The following IGF2R variants were observed in gnomAD, a reference collection of about 807,000 sequenced individuals.
IGF2R encodes the protein cation-independent mannose-6-phosphate receptor.
Under a neutral mutation model 270.6 loss-of-function variants are expected in IGF2R, and 91 were observed. The observed-to-expected ratio is 0.34, with a 90% CI of 0.28 to 0.40. The LOEUF (loss-of-function observed/expected upper bound fraction) is 0.40. Among genes scored for constraint, IGF2R ranks in the 10% least tolerant of loss-of-function variants. The probability of loss-of-function intolerance (pLI) is 1.00; values close to 1 mark genes in which losing one functional copy is unlikely to be tolerated. For missense variants in IGF2R, 2,805 were observed against 3,188.3 expected (o/e 0.88, Z 2.90); for synonymous variants, 1,316 against 1,258.9 (o/e 1.05, Z -0.96).
intron 2 of IGF2R, among the ~76,000 whole-genome samples, chr6:160,000,736 T>TG (rs1784115764): frequency 7.2e-6 from 1 of 138,662 alleles, no homozygotes; most frequent in Admixed American, 7.1e-5. Context: ...TTGTTTTTTT[T>TG]TTTTTTTTTT....
At chr6:160,059,136 G>T in intron 22 of IGF2R, 38 bp downstream of exon 22, 1 of 1,573,264 alleles carries the variant, frequency 6.4e-7, no homozygotes, top group Non-Finnish European at 8.7e-7. Context: ...GCTAAAAAGG[G>T]CCCTGGTGGC....
chr6:160,102,414 G>T lies in IGF2R; in HGVS notation c.6843-105G>T. The stretch of plus-strand genomic sequence containing the variant: ...GCAGGAGTAAGAATCACATGGTGTT[G>T]GGAAAGTCAGAGCTGCTCTTGCCTT... On this transcript the variant is annotated intron_variant, in intron 45 of 47. Coordinates refer to ENST00000356956, the MANE Select transcript of IGF2R (RefSeq NM_000876.4). The surrounding 1 kb of genome is among the most constrained non-coding windows in gnomAD (Gnocchi z 4.5). 1 of 1,246,236 alleles carries T rather than the reference G, an allele frequency of 8.0e-7. No individual in the cohort carries two copies. The highest frequency in any genetic ancestry group is 2.9e-4 in the Middle Eastern group (1 of 3,476). 77.2% of individuals were successfully genotyped at this position (1,246,236 alleles called of 1,614,324 possible).
chr6:160,098,267 A>G (rs967113259), intron 45 of IGF2R, among the ~76,000 whole-genome samples: 2 of 152,008 alleles, frequency 1.3e-5, no homozygotes, highest in African/African-American at 2.4e-5. Context: ...TTGGTGTTTG[A>G]CTCTAAAACC....
intron 6 of IGF2R, among the ~76,000 whole-genome samples, chr6:160,027,667 T>G (rs1398139110): frequency 1.3e-5 from 2 of 152,252 alleles, no homozygotes; most frequent in Non-Finnish European, 2.9e-5. Flanking sequence ...GTTCTCATCT[T>G]GGGAGGGCAA....
At chr6:160,072,642 G>T in intron 32 of IGF2R, 123 bp from the exon 33 acceptor site, 1 of 970,026 alleles carries the variant, frequency 1.0e-6, no homozygotes, top group South Asian at 1.4e-5. Context: ...TTAGGACAGG[G>T]GTCGTGGTGA....
rs182604858 is a variant in IGF2R at position 160,078,370 on chromosome 6, G to T, written c.5478+8G>T. On this transcript the variant is annotated splice_region_variant and intron_variant, in intron 37 of 47. Coordinates refer to ENST00000356956, the MANE Select transcript of IGF2R (RefSeq NM_000876.4). The stretch of plus-strand genomic sequence containing the variant: ...TCCACGAGCACCTTTAAGGTAATGC[G>T]TTCACCCTGGGCGTTGCTGGTGCAG... 14 of 1,612,742 alleles carry T rather than the reference G, an allele frequency of 8.7e-6. No homozygotes were observed. The highest frequency in any genetic ancestry group is 1.0e-5 in the Non-Finnish European group (12 of 1,179,006).
At chr6:160,005,418 T>G (rs990650700) in intron 2 of IGF2R, 16 of 152,010 alleles carry the variant, frequency 1.1e-4, no homozygotes, top group African/African-American at 3.9e-4. Context: ...CTCTGCGGCC[T>G]CTCGCCGGTG....
Position 160,061,907 on chromosome 6 carries a change from G to A in IGF2R, c.3561G>A (p.Thr1187=), listed in dbSNP as rs766762205. Residue 1187 remains threonine, a synonymous_variant, in exon 25 of 48, where the codon ACG becomes ACA. Coordinates refer to ENST00000356956, the MANE Select transcript of IGF2R (RefSeq NM_000876.4). ...CGNQRFSTRI[T]FECAQISGSP... is the part of the protein sequence containing the mutation. ...ACCAGCGCTTCTCCACCAGGATCAC[G>A]TTTGAGTGTGCTCAGATATCGGTGT... 1.7e-5 allele frequency: 27 copies of A among 1,614,178 alleles called. No homozygotes were observed. The highest frequency in any genetic ancestry group is 4.0e-5 in the African/African-American group (3 of 75,042).
At chr6:160,093,611 G>A in intron 44 of IGF2R, 1 of 703,912 alleles carries the variant, frequency 1.4e-6, no homozygotes, top group Admixed American at 1.9e-5. Context: ...GATCATCAAT[G>A]CCTTCCTTCC....
At chr6:160,081,562 G>A (rs1203535470) in intron 39 of IGF2R, among the ~76,000 whole-genome samples, 1 of 152,156 alleles carries the variant, frequency 6.6e-6, no homozygotes, top group East Asian at 1.9e-4. Flanking sequence ...ACTAGAATTC[G>A]CCAGGCTGGA....
In IGF2R at chr6:160,050,370, A is replaced by G. The variant is rs751974053; in HGVS notation, c.2515-103A>G. On this transcript the variant is annotated intron_variant, in intron 18 of 47. Transcript: ENST00000356956. The surrounding 1 kb of genome is among the most constrained non-coding windows in gnomAD (Gnocchi z 4.0). ...CCCAGGAGCAGTGGTTCTGTATTCA[A>G]TAATTCATTGTTTGCTGCAGCTTTA... is the stretch of plus-strand genomic sequence containing the variant. The G allele has an allele frequency of 1.9e-5, 22 of 1,170,514 alleles. No individual in the cohort carries two copies. The highest frequency in any genetic ancestry group is 2.5e-5 in the Non-Finnish European group (20 of 815,690). 72.5% of individuals were successfully genotyped at this position (1,170,514 alleles called of 1,614,324 possible).
Position 159,999,726 on chromosome 6 carries a change from A to G in IGF2R, c.289+8403A>G, listed in dbSNP as rs1206438649. On this transcript the variant is annotated intron_variant, in intron 2 of 47. Coordinates refer to ENST00000356956, the MANE Select transcript of IGF2R (RefSeq NM_000876.4). ...ACTTAAGATAACTTACAACCAAAAA[A>G]TTGGGTGTAAGTAGCTATTGTCTCT... is the stretch of plus-strand genomic sequence containing the variant. Among the ~76,000 whole-genome samples, 3 of 152,348 alleles carry G rather than the reference A, an allele frequency of 2.0e-5. No individual in the cohort carries two copies. In the East Asian group the frequency reaches 5.8e-4, roughly 29 times the overall value.
chr6:160,011,138 T>C (rs747947952), intron 4 of IGF2R, among the ~76,000 whole-genome samples: 29 of 152,210 alleles, frequency 1.9e-4, no homozygotes, highest in Non-Finnish European at 1.3e-4. Context: ...GCCATCTGTT[T>C]CTGACGCTGC....
At chr6:160,033,591 A>G (rs1328023795) in intron 9 of IGF2R, among the ~76,000 whole-genome samples, 1 of 152,258 alleles carries the variant, frequency 6.6e-6, no homozygotes, top group African/African-American at 2.4e-5. Context: ...CTAAACAATC[A>G]AATGTTTTTC....
Position 160,058,891 on chromosome 6 carries a change from C to A in IGF2R, c.2899-15C>A. 6.2e-7 allele frequency: 1 copy of A among 1,611,666 alleles called. No homozygotes were observed. ...CATAAATTTGTTTGTATGGCTCTTACCGTCTGACCTGCAGTTTAATGTCTG... is the reference window on the plus strand; with the variant it reads ...CATAAATTTGTTTGTATGGCTCTTAACGTCTGACCTGCAGTTTAATGTCTG... On this transcript the variant is annotated splice_polypyrimidine_tract_variant and intron_variant, in intron 21 of 47. Transcript: ENST00000356956.
Position 160,109,660 on chromosome 6 carries a change from C to T in IGF2R, c.*4576C>T, listed in dbSNP as rs963929198. On this transcript the variant is annotated 3_prime_UTR_variant, in exon 48 of 48. Transcript: ENST00000356956. ...TTTCAGTAGAGGAGCCTGTGATGGTCACGTGTTGCAGGTGATCATTGTGCC... is the reference window on the plus strand; with the variant it reads ...TTTCAGTAGAGGAGCCTGTGATGGTTACGTGTTGCAGGTGATCATTGTGCC... The T allele has an allele frequency of 2.0e-5, 3 of 152,170 alleles. No homozygotes were observed. Among genetic ancestry groups the T allele is most frequent in the African/African-American group, 7.2e-5 (3 of 41,420 alleles). The allele number at this position is 152,170 out of a possible 1,614,324, so 9.4% of individuals were successfully genotyped here. A position where few individuals can be genotyped will look rare whatever the true frequency, so the allele number is the denominator to read the frequency against.
At chr6:159,978,033 T>G (rs1389636662) in intron 1 of IGF2R, among the ~76,000 whole-genome samples, 2 of 152,186 alleles carry the variant, frequency 1.3e-5, no homozygotes, top group Admixed American at 1.3e-4. Flanking sequence ...AAGTTACAGA[T>G]GCTGCCTTAC....
rs758735404 is a variant in IGF2R at position 160,050,688 on chromosome 6, T to G, written c.2694+36T>G. The G allele has an allele frequency of 7.1e-6, 11 of 1,559,540 alleles. No individual in the cohort carries two copies. The East Asian group carries it at 2.3e-4, about 33-fold the overall frequency. On this transcript the variant is annotated intron_variant, in intron 19 of 47. Transcript: ENST00000356956. This position sits in a 1 kb window ranked among gnomAD's most constrained non-coding sequence, Gnocchi z 4.0. ...GCTGCTGGCTGGTGACCTTCACTGC[T>G]GCATTTTTTGACTGAGCGTTGCCTT...
chr6:160,090,298 G>T (rs1779191642), intron 44 of IGF2R, 195 bp downstream of exon 44: 3 of 397,862 alleles, frequency 7.5e-6, no homozygotes, highest in Non-Finnish European at 8.9e-6. Context: ...TTTCACTGTA[G>T]GCAAATTGTG....
Sources: gnomAD v4.1 joint callset for allele counts (sites outside exome capture counted in the v4.1 genomes callset) on GRCh38, gnomAD v4.1.1 for gene constraint, Gnocchi (gnomAD v3.1) non-coding constraint, MANE v1.5 for transcripts, NCBI Gene and HGNC (gene_info 2026-07-23, HGNC 2026-07-21) for gene names.